The following PUM2 variants were observed in gnomAD, a reference collection of about 807,000 sequenced individuals.
PUM2 encodes pumilio homolog 2.
A neutral mutation model predicts 124.5 loss-of-function variants in PUM2; 57 were observed. The observed-to-expected ratio is 0.46, with a 90% confidence interval of 0.37 to 0.57. The LOEUF (loss-of-function observed/expected upper bound fraction) is 0.57. PUM2 is among the 20% of genes least tolerant of loss of function. The pLI is 0.00. For synonymous variants in PUM2, 460 were observed against 446.1 expected (o/e 1.03, Z -0.39); for missense variants, 1,065 against 1,290.6 (o/e 0.83, Z 2.68).
chr2:20,347,468 T>C (rs1217728236), intron 1 of PUM2, among the ~76,000 whole-genome samples: 25 of 152,132 alleles, frequency 1.6e-4, no homozygotes, highest in Non-Finnish European at 2.9e-5. Context: ...ACCTAATAAT[T>C]CTATACAGCG....
At chr2:20,337,304 G>C (rs1236548481) in intron 1 of PUM2, among the ~76,000 whole-genome samples, 1 of 152,120 alleles carries the variant, frequency 6.6e-6, no homozygotes, top group Non-Finnish European at 1.5e-5. Context: ...CTAGCAAGAG[G>C]ATTGGGTTTG....
chr2:20,319,285 A>G (rs181394322), intron 2 of PUM2, among the ~76,000 whole-genome samples: 1 of 152,188 alleles, frequency 6.6e-6, no homozygotes, highest in Admixed American at 6.5e-5. Flanking sequence ...CATTTTGGAC[A>G]ATTCTTATTC....
chr2:20,350,704 T>G lies in PUM2; in HGVS notation c.-126A>C. The G allele has an allele frequency of 1.0e-6, 1 of 982,788 alleles. No individual in the cohort carries two copies. Among genetic ancestry groups the G allele is most frequent in the Non-Finnish European group, 1.2e-6 (1 of 828,604 alleles). 60.9% of individuals were successfully genotyped at this position (982,788 alleles called of 1,614,324 possible). ...TCCTCCGCCTTCGGTGGCGGCAATG[T>G]CTTCTTTCTCCACCTACCACCCTCC... On this transcript the variant is annotated 5_prime_UTR_variant, in exon 1 of 21. Transcript: ENST00000361078.
intron 12 of PUM2, among the ~76,000 whole-genome samples, chr2:20,279,887 C>T (rs1009072875): frequency 6.6e-6 from 1 of 152,222 alleles, no homozygotes; most frequent in East Asian, 1.9e-4. Flanking sequence ...TATTTCTAAG[C>T]ACTAGCCTCT....
intron 20 of PUM2, among the ~76,000 whole-genome samples, chr2:20,253,612 T>C (rs1218543747): frequency 6.6e-6 from 1 of 152,044 alleles, no homozygotes; most frequent in African/African-American, 2.4e-5. Context: ...CCCAATCTGC[T>C]GGAATTATGG....
intron 1 of PUM2, among the ~76,000 whole-genome samples, chr2:20,344,443 G>C (rs964641758): frequency 6.6e-6 from 1 of 152,208 alleles, no homozygotes; most frequent in Non-Finnish European, 1.5e-5. Context: ...ATTCTCTAAG[G>C]CTTTCAAGGA....
chr2:20,285,086 T>C (rs781078665), intron 10 of PUM2, among the ~76,000 whole-genome samples: 2 of 152,228 alleles, frequency 1.3e-5, no homozygotes, highest in African/African-American at 2.4e-5. Flanking sequence ...ATTTGGACAT[T>C]TGGCTATAAA....
intron 18 of PUM2, 37 bp from the exon 19 acceptor site, chr2:20,255,021 A>C: frequency 6.3e-7 from 1 of 1,584,574 alleles, no homozygotes; most frequent in Non-Finnish European, 8.6e-7. Context: ...TCCCTAAGTC[A>C]TTCCTTAAGA....
At chr2:20,350,880 G>A (rs913987373), upstream of PUM2, 14 of 722,340 alleles carry the variant, frequency 1.9e-5, no homozygotes, top group Middle Eastern at 6.9e-4. Flanking sequence ...GTGCACCCCG[G>A]GAGAAAGGGG....
In PUM2 at chr2:20,294,327, A is replaced by T. The variant is rs764667949; in HGVS notation, c.1152+49T>A. The T allele has an allele frequency of 1.9e-6, 3 of 1,590,522 alleles. No homozygotes were observed. The African/African-American group carries it at 4.0e-5, about 21-fold the overall frequency. ...CACAAATCTTAAACATTAGGAGCTC[A>T]AAGAATTTCAAAGAATACTTGGTAT... is the stretch of plus-strand genomic sequence containing the variant. On this transcript the variant is annotated intron_variant, in intron 9 of 20. Transcript: ENST00000361078.
At chr2:20,302,542 T>C (rs1677245122) in intron 7 of PUM2, among the ~76,000 whole-genome samples, 1 of 152,188 alleles carries the variant, frequency 6.6e-6, no homozygotes. Flanking sequence ...TCTTTTGGCA[T>C]TGATTTGAAA....
chr2:20,348,998 G>C (rs1033704222), intron 1 of PUM2, among the ~76,000 whole-genome samples: 1 of 152,210 alleles, frequency 6.6e-6, no homozygotes, highest in Admixed American at 6.5e-5. Context: ...GTATTATTTG[G>C]TAATTTATAT....
intron 2 of PUM2, among the ~76,000 whole-genome samples, chr2:20,320,095 G>C (rs1489497203): frequency 6.6e-6 from 1 of 152,020 alleles, no homozygotes; most frequent in East Asian, 1.9e-4. Flanking sequence ...GTGAAACCTT[G>C]TCTCTACTAA....
At position 20,350,647 on chromosome 2, in the gene PUM2, C is replaced by G. The variant is rs1689176444; in HGVS notation, c.-69G>C. The G allele has an allele frequency of 2.0e-6, 2 of 985,494 alleles. No individual in the cohort carries two copies. Among genetic ancestry groups the G allele is most frequent in the Non-Finnish European group, 2.4e-6 (2 of 830,012 alleles). 61.0% of individuals were successfully genotyped at this position (985,494 alleles called of 1,614,324 possible). On this transcript the variant is annotated 5_prime_UTR_variant, in exon 1 of 21. Transcript: ENST00000361078. ...AGCCGGGGACACCGACCGTTGGGCA[C>G]ACGGCGGCGTCGCTCTTGGCGGTCC...
intron 1 of PUM2, among the ~76,000 whole-genome samples, chr2:20,334,764 T>C (rs917052682): frequency 1.3e-5 from 2 of 152,228 alleles, no homozygotes; most frequent in African/African-American, 4.8e-5. Flanking sequence ...TGACTAATGA[T>C]TGCAACTTCA....
At position 20,253,895 on chromosome 2, in the gene PUM2, T is replaced by C. The variant is rs1664112428; in HGVS notation, c.2990A>G (p.Gln997Arg). The C allele has an allele frequency of 6.2e-7, 1 of 1,613,986 alleles. No individual in the cohort carries two copies. The highest frequency in any genetic ancestry group is 8.5e-7 in the Non-Finnish European group (1 of 1,179,944). ...CTTTTGAACCACGTAATTGGCATAC[T>C]GGTCCTTCATCATGGTGTATAAGGC... is the stretch of plus-strand genomic sequence containing the variant. Reference protein sequence around the residue: ...HSALYTMMKDQYANYVVQKMI... With the variant: ...HSALYTMMKDRYANYVVQKMI... Residue 997 changes from glutamine (Q) to arginine (R), a missense_variant, in exon 20 of 21, where the codon CAG (glutamine) becomes CGG (arginine). Physicochemically the swap from Gln to Arg is conservative, Grantham distance 43. This residue lies in a region of PUM2 where 968 missense variants were observed against 1,159.8 expected (regional missense o/e 0.83). Coordinates refer to ENST00000361078, the MANE Select transcript of PUM2 (RefSeq NM_015317.5).
At chr2:20,311,422 T>C (rs1315882821) in intron 5 of PUM2, 72 bp downstream of exon 5, 2 of 1,405,908 alleles carry the variant, frequency 1.4e-6, no homozygotes, top group East Asian at 2.3e-5. Flanking sequence ...AATGTCTAAA[T>C]CAGTCACATC....
intron 2 of PUM2, among the ~76,000 whole-genome samples, chr2:20,319,696 T>C (rs745857210): frequency 2.6e-5 from 4 of 152,102 alleles, no homozygotes; most frequent in Non-Finnish European, 5.9e-5. Flanking sequence ...GAAAATGCAG[T>C]GTGTAGAATA....
intron 20 of PUM2, among the ~76,000 whole-genome samples, chr2:20,252,628 T>C (rs1327964030): frequency 6.6e-6 from 1 of 152,246 alleles, no homozygotes; most frequent in African/African-American, 2.4e-5. Flanking sequence ...CAGTTTTCTT[T>C]ATAAGTTTTC....
Sources: allele counts gnomAD v4.1 joint callset (sites outside exome capture counted in the v4.1 genomes callset), GRCh38; gene constraint gnomAD v4.1.1; regional missense constraint gnomAD v4.1.1; transcripts MANE v1.5; gene names NCBI Gene and HGNC (gene_info 2026-07-23, HGNC 2026-07-21).